RNF2: variants seen among roughly 807,000 people sequenced by gnomAD.
RNF2 encodes the protein ring finger protein 2.
A neutral mutation model predicts 37.2 loss-of-function variants in RNF2; 6 were observed. That is an observed-to-expected ratio of 0.16 (90% CI 0.09 to 0.32). RNF2 has a LOEUF of 0.32. Among genes scored for constraint, RNF2 ranks in the 10% least tolerant of loss-of-function variants. The pLI, the probability that RNF2 is intolerant of heterozygous loss-of-function variation, is 1.00. For missense variants in RNF2, 251 were observed against 404.0 expected, an observed-to-expected ratio of 0.62 and a Z score of 3.25; for synonymous variants, 133 against 132.7, an observed-to-expected ratio of 1.00 and a Z score of -0.02.
chr1:185,070,985 A>G (rs1189945886), intron 1 of RNF2, among the ~76,000 whole-genome samples: 2 of 152,190 alleles, frequency 1.3e-5, no homozygotes, highest in Non-Finnish European at 2.9e-5. Flanking sequence ...TTGTATCTTA[A>G]GAGTGGGATA....
chr1:185,088,556 C>CA (rs35586940), intron 2 of RNF2, among the ~76,000 whole-genome samples: 47,810 of 129,972 alleles, frequency 0.37, 9,139 homozygotes, highest in Non-Finnish European at 0.47. Context: ...AACTCCGTCT[C>CA]AAAAAAAAAA....
At chr1:185,060,146 T>C (rs1040636910) in intron 1 of RNF2, among the ~76,000 whole-genome samples, 6 of 152,266 alleles carry the variant, frequency 3.9e-5, no homozygotes, top group Admixed American at 2.0e-4. Flanking sequence ...CTGTGGCATA[T>C]GAGGCCCTGG....
At chr1:185,057,445 G>T (rs374576853) in intron 1 of RNF2, among the ~76,000 whole-genome samples, 20 of 151,904 alleles carry the variant, frequency 1.3e-4, no homozygotes, top group Admixed American at 9.8e-4. Context: ...TCGTTTATAA[G>T]TTTTTTTTAA....
chr1:185,068,552 C>T (rs1469647457), intron 1 of RNF2, among the ~76,000 whole-genome samples: 1 of 152,214 alleles, frequency 6.6e-6, no homozygotes, highest in African/African-American at 2.4e-5. Flanking sequence ...CCAAGGCATA[C>T]TGGCATTTGC....
At chr1:185,051,299 G>C (rs940928324) in intron 1 of RNF2, among the ~76,000 whole-genome samples, 3 of 152,194 alleles carry the variant, frequency 2.0e-5, no homozygotes, top group Non-Finnish European at 4.4e-5. Context: ...AGAAGGGGTA[G>C]TATTGTGTAT....
chr1:185,066,050 T>C (rs1332620226), intron 1 of RNF2, among the ~76,000 whole-genome samples: 2 of 152,104 alleles, frequency 1.3e-5, no homozygotes, highest in African/African-American at 4.8e-5. Flanking sequence ...CATGTATTGT[T>C]ATTTTTGAGC....
At chr1:185,072,513 T>C (rs924333051) in intron 1 of RNF2, among the ~76,000 whole-genome samples, 1 of 152,032 alleles carries the variant, frequency 6.6e-6, no homozygotes, top group Non-Finnish European at 1.5e-5. Context: ...AGAATTTCTT[T>C]AGAATGCATG....
At chr1:185,076,308 T>C (rs866195878) in intron 1 of RNF2, among the ~76,000 whole-genome samples, 1 of 113,244 alleles carries the variant, frequency 8.8e-6, no homozygotes, top group African/African-American at 3.6e-5. Flanking sequence ...TTTTTTTTTT[T>C]GAGACAGAGT....
At chr1:185,082,739 G>C (rs2102188401) in intron 1 of RNF2, among the ~76,000 whole-genome samples, 1 of 152,266 alleles carries the variant, frequency 6.6e-6, no homozygotes, top group Admixed American at 6.5e-5. Flanking sequence ...GTTGCGAGTA[G>C]TCTCCACTGC....
At chr1:185,082,944 G>A (rs73066911) in intron 1 of RNF2, among the ~76,000 whole-genome samples, 53 of 152,270 alleles carry the variant, frequency 3.5e-4, no homozygotes, top group African/African-American at 1.2e-3. Flanking sequence ...AGTATCAAAT[G>A]GTGAATTCCA....
intron 1 of RNF2, among the ~76,000 whole-genome samples, chr1:185,077,984 G>A (rs1248413306): frequency 5.3e-5 from 8 of 152,130 alleles, no homozygotes; most frequent in South Asian, 2.1e-4. Context: ...GGTGGCTCAC[G>A]CCTGTAATCC....
chr1:185,093,308 T>A, intron 4 of RNF2, 32 bp downstream of exon 4: 1 of 1,583,016 alleles, frequency 6.3e-7, no homozygotes, highest in Non-Finnish European at 8.7e-7. Flanking sequence ...AGAGGGTAGC[T>A]GTTTTTCTGA....
At position 185,098,304 on chromosome 1, in the gene RNF2, C is replaced by T; in HGVS notation, c.697C>T (p.His233Tyr). ...ASEIELVFRP[H>Y]PTLMEKDDSA... ...TGAAATTGAATTAGTATTCAGGCCT[C>T]ATCCCACACTTATGGAAAAAGATGA... The change falls in exon 5 of 7, where the codon CAT becomes TAT. Residue 233 changes from histidine to tyrosine, a missense_variant. Transcript: ENST00000367510. 1 of 1,614,178 alleles carries T rather than the reference C, an allele frequency of 6.2e-7. No homozygotes were observed. Among genetic ancestry groups the T allele is most frequent in the Non-Finnish European group, 8.5e-7 (1 of 1,180,028 alleles).
At chr1:185,091,944 T>TA (rs1288263627) in intron 3 of RNF2, 8 of 429,310 alleles carry the variant, frequency 1.9e-5, no homozygotes, top group African/African-American at 4.1e-5. Flanking sequence ...GCCTCCAGAG[T>TA]AGCTGGGATT....
intron 2 of RNF2, among the ~76,000 whole-genome samples, chr1:185,089,112 A>G (rs377222723): frequency 2.2e-3 from 338 of 152,300 alleles, no homozygotes; most frequent in African/African-American, 7.8e-3. Flanking sequence ...ATCATCAGGC[A>G]TTAGATTATA....
intron 1 of RNF2, among the ~76,000 whole-genome samples, chr1:185,084,494 T>G (rs1001065051): frequency 4.6e-5 from 7 of 152,064 alleles, no homozygotes; most frequent in African/African-American, 1.7e-4. Context: ...GTTTGAGGGG[T>G]TTTGTTTCCC....
At chr1:185,046,207 C>T (rs1375461146) in intron 1 of RNF2, 2 of 152,084 alleles carry the variant, frequency 1.3e-5, no homozygotes, top group African/African-American at 2.4e-5. Flanking sequence ...TCCTCGACCT[C>T]GGGGTTCCTC....
At chr1:185,059,376 T>C (rs1650534018) in intron 1 of RNF2, among the ~76,000 whole-genome samples, 1 of 152,214 alleles carries the variant, frequency 6.6e-6, no homozygotes, top group South Asian at 2.1e-4. Context: ...CTGTGCCTTA[T>C]TGTAATATGG....
intron 1 of RNF2, among the ~76,000 whole-genome samples, chr1:185,085,148 T>TTC (rs1557971229): frequency 3.6e-5 from 5 of 140,530 alleles, no homozygotes; most frequent in Non-Finnish European, 7.7e-5. Context: ...TCTTTTTCTT[T>TTC]TTTTTTTTTT....
Sources: allele counts gnomAD v4.1 joint callset (sites outside exome capture counted in the v4.1 genomes callset), GRCh38; gene constraint gnomAD v4.1.1; transcripts MANE v1.5; gene names NCBI Gene and HGNC (gene_info 2026-07-23, HGNC 2026-07-21).